The following CELA1 variants were observed in gnomAD, a reference collection of about 807,000 sequenced individuals.
CELA1 encodes the protein chymotrypsin-like elastase family member 1.
A neutral mutation model predicts 34.8 loss-of-function variants in CELA1; 28 were observed. That is an observed-to-expected ratio of 0.80 (90% confidence interval 0.60 to 1.10). The LOEUF is 1.10. Ranked by LOEUF, CELA1 falls within the 50% of genes least tolerant of loss-of-function variation. The pLI is 0.00. For synonymous variants in CELA1, 140 were observed against 129.8 expected, an observed-to-expected ratio of 1.08 and a Z score of -0.53; for missense variants, 288 against 327.5, an observed-to-expected ratio of 0.88 and a Z score of 0.93.
At chr12:51,331,900 G>C (rs1284639769) in intron 6 of CELA1, among the ~76,000 whole-genome samples, 2 of 152,204 alleles carry the variant, frequency 1.3e-5, no homozygotes, top group Non-Finnish European at 2.9e-5. Context: ...AGCAAGGGCT[G>C]ACCTTGGTGG....
At chr12:51,339,684 G>T (rs1327808205) in intron 6 of CELA1, among the ~76,000 whole-genome samples, 176 bp downstream of exon 6, 2 of 152,228 alleles carry the variant, frequency 1.3e-5, no homozygotes, top group African/African-American at 2.4e-5. Flanking sequence ...TTTCAACTTT[G>T]AGTTTCTGCA....
At chr12:51,333,684 C>T (rs3858642) in intron 6 of CELA1, among the ~76,000 whole-genome samples, 147,703 of 152,248 alleles carry the variant, frequency 0.97, 71,812 homozygotes, top group Middle Eastern at 1. Flanking sequence ...TGAGCCACCA[C>T]GCCCAGTCAA....
intron 7 of CELA1, 73 bp downstream of exon 7, chr12:51,329,611 T>C (rs1946456596): frequency 6.9e-7 from 1 of 1,454,140 alleles, no homozygotes; most frequent in South Asian, 1.4e-5. Flanking sequence ...CCATCCAACG[T>C]TTGTTCCCCA....
At chr12:51,345,657 A>G (rs17860289) in intron 2 of CELA1, 138 bp downstream of exon 2, 11,762 of 737,788 alleles carry the variant, frequency 0.016, 172 homozygotes, top group Non-Finnish European at 0.02. Flanking sequence ...GCCTGATCCC[A>G]TCCATCTTTA....
chr12:51,328,476 A>G lies in CELA1; in HGVS notation c.*101T>C, dbSNP rs947273447. 1.6e-5 allele frequency: 20 copies of G among 1,236,996 alleles called. No individual in the cohort carries two copies. Among genetic ancestry groups the G allele is most frequent in the Non-Finnish European group, 2.3e-5 (19 of 840,386 alleles). 76.6% of individuals were successfully genotyped at this position (1,236,996 alleles called of 1,614,324 possible). On this transcript the variant is annotated 3_prime_UTR_variant, in exon 8 of 8. Coordinates refer to ENST00000293636, the MANE Select transcript of CELA1 (RefSeq NM_001971.6). ...TCTAGTTTTATTTGCTTTTCTATCA[A>G]TGGCTCAATAGTCTTTCAGAATGTG...
intron 6 of CELA1, among the ~76,000 whole-genome samples, chr12:51,338,255 T>TACAC (rs758082342): frequency 0.054 from 6,300 of 116,648 alleles, 333 homozygotes; most frequent in East Asian, 0.18. Context: ...AAAAAAAACA[T>TACAC]ACACACACAC....
At chr12:51,341,497 A>G (rs1946535104) in intron 4 of CELA1, 117 bp from the exon 5 acceptor site, 2 of 1,140,276 alleles carry the variant, frequency 1.8e-6, no homozygotes, top group Admixed American at 2.1e-5. Flanking sequence ...GACGACTTTG[A>G]AGAAGGACGG....
intron 2 of CELA1, among the ~76,000 whole-genome samples, chr12:51,344,971 A>G (rs1467981251): frequency 6.6e-6 from 1 of 151,810 alleles, no homozygotes. Context: ...CTAAAAATAC[A>G]AAAATTAGCT....
chr12:51,331,493 C>T (rs1041726141), intron 6 of CELA1, among the ~76,000 whole-genome samples: 1 of 152,154 alleles, frequency 6.6e-6, no homozygotes, highest in Non-Finnish European at 1.5e-5. Flanking sequence ...TTGGAAATTA[C>T]AGATTTGATA....
intron 2 of CELA1, among the ~76,000 whole-genome samples, chr12:51,344,839 G>A (rs746335798): frequency 1.3e-5 from 2 of 151,744 alleles, no homozygotes; most frequent in African/African-American, 2.4e-5. Context: ...AAATACCAAT[G>A]GGAGGCCAGG....
chr12:51,331,909 G>A lies in CELA1; in HGVS notation c.610-2076C>T, dbSNP rs1269542989. Among the ~76,000 whole-genome samples the A allele has an allele frequency of 4.6e-5, 7 of 152,196 alleles. 1 individual carries two copies. ...TTGTGCAGCAAGGGCTGACCTTGGTGGTTTATGACTGTAATCCCAGCACTT... is the reference window on the plus strand; with the variant it reads ...TTGTGCAGCAAGGGCTGACCTTGGTAGTTTATGACTGTAATCCCAGCACTT... On this transcript the variant is annotated intron_variant, in intron 6 of 7. Transcript: ENST00000293636.
At chr12:51,343,252 C>A (rs937190930) in intron 3 of CELA1, among the ~76,000 whole-genome samples, 2 of 152,136 alleles carry the variant, frequency 1.3e-5, no homozygotes, top group Admixed American at 1.3e-4. Flanking sequence ...GCATGAGCAT[C>A]ACCTGGAAAC....
intron 4 of CELA1, among the ~76,000 whole-genome samples, chr12:51,341,594 A>G (rs1329903093): frequency 6.6e-6 from 1 of 152,232 alleles, no homozygotes; most frequent in Non-Finnish European, 1.5e-5. Flanking sequence ...CTGGTGGGAC[A>G]TTGGTATTGC....
At chr12:51,332,067 C>T (rs1946473160) in intron 6 of CELA1, among the ~76,000 whole-genome samples, 1 of 151,702 alleles carries the variant, frequency 6.6e-6, no homozygotes, top group African/African-American at 2.4e-5. Context: ...TGCCTGTAGT[C>T]CTGGCTACTC....
chr12:51,346,633 C>CGT lies in CELA1; in HGVS notation c.5_6insAC (p.Val3ArgfsTer18). 1 of 1,224,544 alleles carries CGT rather than the reference C, an allele frequency of 8.2e-7. No homozygotes were observed. The highest frequency in any genetic ancestry group is 1.1e-6 in the Non-Finnish European group (1 of 908,518). 75.9% of individuals were successfully genotyped at this position (1,224,544 alleles called of 1,614,324 possible). A position where few individuals can be genotyped will look rare whatever the true frequency, so the allele number is the denominator to read the frequency against. ...ACCATATCCACTTACCATAAAGGAC[C>CGT]AGCATGTTGCCGATGGAGTAGACCA... On this transcript the variant is annotated frameshift_variant, in exon 1 of 8. Transcript: ENST00000293636. LOFTEE classifies it high-confidence loss of function.
At chr12:51,329,253 CAA>C (rs71089791) in intron 7 of CELA1, among the ~76,000 whole-genome samples, 12,085 of 101,894 alleles carry the variant, frequency 0.12, 507 homozygotes, top group East Asian at 0.13. Flanking sequence ...GACTCTGTCT[CAA>C]AAAAAAAAAA....
In CELA1 at chr12:51,343,861, G is replaced by C; in HGVS notation, c.100-8C>G. The stretch of plus-strand genomic sequence containing the variant: ...CCGGTACTGGAGGGAAATCTAGATG[G>C]GGAGGAAAGAAAGAAGGGATAGGTT... On this transcript the variant is annotated splice_polypyrimidine_tract_variant and splice_region_variant and intron_variant, in intron 2 of 7. Coordinates refer to ENST00000293636, the MANE Select transcript of CELA1 (RefSeq NM_001971.6). The C allele has an allele frequency of 6.7e-7, 1 of 1,495,938 alleles. No individual in the cohort carries two copies. Among genetic ancestry groups the C allele is most frequent in the Non-Finnish European group, 9.3e-7 (1 of 1,076,764 alleles). 92.7% of individuals were successfully genotyped at this position (1,495,938 alleles called of 1,614,324 possible). A position where few individuals can be genotyped will look rare whatever the true frequency, so the allele number is the denominator to read the frequency against.
At chr12:51,332,780 A>G (rs1946477687) in intron 6 of CELA1, among the ~76,000 whole-genome samples, 1 of 152,014 alleles carries the variant, frequency 6.6e-6, no homozygotes, top group East Asian at 1.9e-4. Context: ...AGGCACAAGA[A>G]CCCAGGAGGA....
chr12:51,332,170 G>A (rs1946473877), intron 6 of CELA1, among the ~76,000 whole-genome samples: 1 of 144,058 alleles, frequency 6.9e-6, no homozygotes, highest in Non-Finnish European at 1.5e-5. Context: ...GGGTGACAGA[G>A]TAAGATCCTG....
Sources: allele counts gnomAD v4.1 joint callset (sites outside exome capture counted in the v4.1 genomes callset), GRCh38; gene constraint gnomAD v4.1.1; transcripts MANE v1.5; gene names NCBI Gene and HGNC (gene_info 2026-07-23, HGNC 2026-07-21).